SEL1L3: variants seen among roughly 807,000 people sequenced by gnomAD.
The protein encoded by SEL1L3 is protein sel-1 homolog 3.
SEL1L3 carries 76 observed loss-of-function variants against 142.8 expected under a neutral mutation model. That is an observed-to-expected ratio of 0.53 (90% confidence interval 0.44 to 0.64). The LOEUF is 0.64. SEL1L3 is among the 30% of genes least tolerant of loss of function. The pLI is 0.00. For synonymous variants in SEL1L3, 504 were observed against 519.6 expected, an observed-to-expected ratio of 0.97 and a Z score of 0.41; for missense variants, 1,262 against 1,381.7, an observed-to-expected ratio of 0.91 and a Z score of 1.37.
chr4:25,835,138 C>G (rs1715717106), intron 3 of SEL1L3, 59 bp downstream of exon 3: 1 of 1,601,546 alleles, frequency 6.2e-7, no homozygotes, highest in African/African-American at 1.3e-5. Flanking sequence ...CTAGCCTGCT[C>G]TGGTCCTCAA....
In SEL1L3 at chr4:25,833,101, T is replaced by C. The variant is rs2109283985; in HGVS notation, c.992A>G (p.His331Arg). 5 of 1,586,748 alleles carry C rather than the reference T, an allele frequency of 3.2e-6. No individual in the cohort carries two copies. Among genetic ancestry groups the C allele is most frequent in the Non-Finnish European group, 4.3e-6 (5 of 1,155,400 alleles). The change falls in exon 5 of 24, where the codon CAT becomes CGT. Residue 331 changes from histidine (H) to arginine (R), a missense_variant. Coordinates refer to ENST00000399878, the MANE Select transcript of SEL1L3 (RefSeq NM_015187.5). The stretch of plus-strand genomic sequence containing the variant: ...CCCTTTGACAAGATGCATCTGAATA[T>C]GCAAATAGCCTAAAAGGAAAATTCG... ...SVFLTEEGYL[H>R]IQMHLVKGED...
chr4:25,846,084 AAAC>A (rs992953985), intron 2 of SEL1L3, among the ~76,000 whole-genome samples: 1 of 152,170 alleles, frequency 6.6e-6, no homozygotes, highest in African/African-American at 2.4e-5. Flanking sequence ...ACAGTTGAGG[AAAC>A]AACTGGGCGC....
chr4:25,817,309 C>T (rs1166124145), intron 9 of SEL1L3, among the ~76,000 whole-genome samples: 1 of 152,150 alleles, frequency 6.6e-6, no homozygotes, highest in African/African-American at 2.4e-5. Context: ...GGTTCTATGC[C>T]CAGGACTACG....
chr4:25,728,216 C>G, the SEL1L3 span, among the ~76,000 whole-genome samples: 1 of 152,050 alleles, frequency 6.6e-6, no homozygotes, highest in Admixed American at 6.5e-5. Context: ...TACTGCTCTG[C>G]AAGCTATCAG....
intron 1 of SEL1L3, among the ~76,000 whole-genome samples, chr4:25,854,301 TGA>T (rs1717096558): frequency 6.6e-6 from 1 of 152,038 alleles, no homozygotes; most frequent in Non-Finnish European, 1.5e-5. Context: ...TTTTTGAGAC[TGA>T]GTCTCCCTCT....
intron 23 of SEL1L3, among the ~76,000 whole-genome samples, chr4:25,750,097 G>A (rs1461216331): frequency 6.6e-6 from 1 of 151,976 alleles, no homozygotes; most frequent in African/African-American, 2.4e-5. Context: ...AGCCGGGCGT[G>A]GTGGCACGTG....
chr4:25,742,595 C>A (rs1325956536), downstream of SEL1L3, among the ~76,000 whole-genome samples: 1 of 152,186 alleles, frequency 6.6e-6, no homozygotes, highest in East Asian at 1.9e-4. Flanking sequence ...CGCACCCGGC[C>A]AAGGAGTAGA....
At chr4:25,764,704 G>A (rs1718597547) in intron 20 of SEL1L3, among the ~76,000 whole-genome samples, 1 of 152,152 alleles carries the variant, frequency 6.6e-6, no homozygotes, top group African/African-American at 2.4e-5. Context: ...CCAGGTTTAG[G>A]AGCTGGGCAT....
At chr4:25,827,401 T>C (rs757291669) in intron 6 of SEL1L3, among the ~76,000 whole-genome samples, 3 of 152,140 alleles carry the variant, frequency 2.0e-5, no homozygotes, top group Non-Finnish European at 4.4e-5. Flanking sequence ...GAGGATGCCA[T>C]GTGAAGACTG....
chr4:25,850,697 C>T (rs1716824396), intron 1 of SEL1L3, among the ~76,000 whole-genome samples: 1 of 152,132 alleles, frequency 6.6e-6, no homozygotes, highest in Admixed American at 6.5e-5. Context: ...CAAGAGGGAG[C>T]TGGTTAAATA....
the SEL1L3 span, among the ~76,000 whole-genome samples, chr4:25,723,330 C>T: frequency 6.6e-6 from 1 of 152,312 alleles, no homozygotes; most frequent in East Asian, 1.9e-4. Context: ...GTGCTGTATA[C>T]ACTGGACCTA....
chr4:25,794,734 A>G (rs747072114), intron 11 of SEL1L3, among the ~76,000 whole-genome samples: 3 of 152,250 alleles, frequency 2.0e-5, no homozygotes, highest in Non-Finnish European at 4.4e-5. Context: ...AAAGGAATAT[A>G]AATCATTCTA....
intron 2 of SEL1L3, among the ~76,000 whole-genome samples, chr4:25,840,544 A>C (rs1465132636): frequency 6.6e-6 from 1 of 152,206 alleles, no homozygotes; most frequent in Non-Finnish European, 1.5e-5. Flanking sequence ...AAGAGTGGAG[A>C]AGAAGAAAAC....
chr4:25,847,695 A>G lies in SEL1L3; in HGVS notation c.332T>C (p.Val111Ala). The G allele has an allele frequency of 6.2e-7, 1 of 1,613,966 alleles. No homozygotes were observed. Among genetic ancestry groups the G allele is most frequent in the Non-Finnish European group, 8.5e-7 (1 of 1,179,878 alleles). The change falls in exon 2 of 24, where the codon GTC becomes GCC. Residue 111 changes from valine to alanine, a missense_variant. By Grantham distance (64) the Val-to-Ala change is moderately conservative. Around this residue, in one of 3 missense-constraint regions of SEL1L3, gnomAD observed 689 missense variants for 692.8 expected, o/e 0.99. Coordinates refer to ENST00000399878, the MANE Select transcript of SEL1L3 (RefSeq NM_015187.5). The stretch of plus-strand genomic sequence containing the variant: ...AGATGAAACAACTGCTTCCAAATTG[A>G]CAACACAAGGCTGAGAGCATAAATA... ...VEYLCSQPCV[V>A]NLEAVVSSEF... is the part of the protein sequence containing the mutation.
rs368511435 is a variant in SEL1L3 at position 25,804,696 on chromosome 4, C to A, written c.1621G>T (p.Ala541Ser). 2 of 1,613,746 alleles carry A rather than the reference C, an allele frequency of 1.2e-6. No individual in the cohort carries two copies. Among genetic ancestry groups the A allele is most frequent in the Non-Finnish European group, 1.7e-6 (2 of 1,179,782 alleles). The change falls in exon 10 of 24, where the codon GCT (alanine) becomes TCT (serine). Residue 541 changes from alanine to serine, a missense_variant. Ala to Ser is a moderately conservative substitution (Grantham distance 99, BLOSUM62 1). Coordinates refer to ENST00000399878, the MANE Select transcript of SEL1L3 (RefSeq NM_015187.5). ...TCAATGCTAGAGAGTCTCTTTACAG[C>A]CTTCTCAAATATCTTCCCACCGATT... ...SEIGGKIFEK[A>S]VKRLSSIDGL...
intron 8 of SEL1L3, among the ~76,000 whole-genome samples, chr4:25,818,838 T>C (rs549580398): frequency 2.0e-4 from 31 of 152,338 alleles, no homozygotes; most frequent in Middle Eastern, 3.4e-3. Flanking sequence ...GGGACCAGTA[T>C]AGCCTATTCT....
intron 1 of SEL1L3, among the ~76,000 whole-genome samples, chr4:25,851,025 AT>A (rs1716857790): frequency 6.6e-6 from 1 of 151,774 alleles, no homozygotes; most frequent in Non-Finnish European, 1.5e-5. Flanking sequence ...TGATTTTTGT[AT>A]TTTTAGTAGA....
the SEL1L3 span, among the ~76,000 whole-genome samples, chr4:25,716,858 G>T: frequency 2.6e-5 from 4 of 152,174 alleles, no homozygotes; most frequent in South Asian, 8.3e-4. Context: ...CAGGTGCGGT[G>T]GCTCATGCCT....
chr4:25,800,712 G>A (rs1484205330), intron 11 of SEL1L3, among the ~76,000 whole-genome samples: 2 of 151,954 alleles, frequency 1.3e-5, no homozygotes, highest in Non-Finnish European at 1.5e-5. Flanking sequence ...TGTAAATTGA[G>A]GTTAAATTAT....
Sources: gnomAD v4.1 joint callset for allele counts (sites outside exome capture counted in the v4.1 genomes callset) on GRCh38, gnomAD v4.1.1 for gene constraint, gnomAD v4.1.1 regional missense constraint, MANE v1.5 for transcripts, NCBI Gene and HGNC (gene_info 2026-07-23, HGNC 2026-07-21) for gene names.